Variants in CCND3 observed in about 807,000 individuals in gnomAD.
CCND3 encodes G1/S-specific cyclin-D3.
CCND3 carries 9 observed loss-of-function variants against 28.7 expected under a neutral mutation model. The observed-to-expected ratio is 0.31, with a 90% CI of 0.19 to 0.55. The LOEUF (loss-of-function observed/expected upper bound fraction) is 0.55, where lower values mean the gene tolerates loss of function less well. Among genes scored for constraint, CCND3 ranks in the 20% least tolerant of loss-of-function variants. The pLI is 0.93. For missense variants in CCND3, 315 were observed against 385.8 expected (o/e 0.82, Z 1.54); for synonymous variants, 164 against 163.9 (o/e 1.00, Z 0.00).
At chr6:41,940,644 G>T (rs1478773572) in intron 1 of CCND3, 59 bp from the exon 2 acceptor site, 1 of 1,212,816 alleles carries the variant, frequency 8.2e-7, no homozygotes. Flanking sequence ...AGCAGCGGGG[G>T]GGTGGGAGCG....
rs143231418 is a variant in CCND3, at chr6:42,040,407, G to A, written c.-46+8094C>T. Among the ~76,000 whole-genome samples the A allele has an allele frequency of 7.4e-3, 1,130 of 152,032 alleles. 28 individuals are homozygous for A. The highest frequency in any genetic ancestry group is 0.056 in the Admixed American group (849 of 15,252). On this transcript the variant is annotated intron_variant, in intron 1 of 4. Coordinates refer to the CCND3 transcript ENST00000372988. ...CACTCCAGCCTGGGCAACAGAGCGAGACTCTGTCTCAAAACAAAAACAAAA... is the reference window on the plus strand; with the variant it reads ...CACTCCAGCCTGGGCAACAGAGCGAAACTCTGTCTCAAAACAAAAACAAAA...
chr6:42,005,472 C>T (rs888779206), intron 1 of CCND3, among the ~76,000 whole-genome samples: 3 of 129,966 alleles, frequency 2.3e-5, no homozygotes, highest in African/African-American at 5.8e-5. Flanking sequence ...ACCTGGGAGG[C>T]GGAGGTTGCT....
intron 1 of CCND3, among the ~76,000 whole-genome samples, chr6:42,027,781 CTT>C (rs1763924306): frequency 6.6e-6 from 1 of 151,512 alleles, no homozygotes; most frequent in Non-Finnish European, 1.5e-5. Context: ...GAGTTTTGCT[CTT>C]GTTGTCCAGG....
intron 1 of CCND3, among the ~76,000 whole-genome samples, chr6:42,032,764 C>T (rs1320255690): frequency 6.6e-6 from 1 of 152,216 alleles, no homozygotes; most frequent in Non-Finnish European, 1.5e-5. Context: ...ACCTGTACCA[C>T]AGAAACCTAC....
In CCND3 at chr6:41,941,073, A is replaced by T. The variant is rs1464761246; in HGVS notation, c.198+379T>A. 1 of 1,570,040 alleles carries T rather than the reference A, an allele frequency of 6.4e-7. No homozygotes were observed. Among genetic ancestry groups the T allele is most frequent in the Non-Finnish European group, 8.6e-7 (1 of 1,156,996 alleles). On this transcript the variant is annotated intron_variant, in intron 1 of 4. Coordinates refer to ENST00000372991, the MANE Select transcript of CCND3 (RefSeq NM_001760.5). This position sits in a 1 kb window ranked among gnomAD's most constrained non-coding sequence, Gnocchi z 6.1. ...GCCAGAACCCCGCGAAAGACACAGG[A>T]ACCGGCTCCCGGGCGGGGGCGGCCG...
At chr6:41,962,076 T>C (rs1761733443) in intron 1 of CCND3, among the ~76,000 whole-genome samples, 1 of 152,202 alleles carries the variant, frequency 6.6e-6, no homozygotes, top group Non-Finnish European at 1.5e-5. Context: ...CTCTAACCTG[T>C]GCTCCCCACA....
chr6:42,001,935 TG>T (rs144798556), intron 1 of CCND3, among the ~76,000 whole-genome samples: 52,432 of 151,190 alleles, frequency 0.35, 10,242 homozygotes, highest in Middle Eastern at 0.49. Context: ...GCTAACATGG[TG>T]AAACCCCTTC....
chr6:42,021,154 T>C (rs1185273925), intron 1 of CCND3, among the ~76,000 whole-genome samples: 1 of 152,252 alleles, frequency 6.6e-6, no homozygotes, highest in African/African-American at 2.4e-5. Context: ...TTTATTACAA[T>C]ATATAACTGT....
At chr6:42,044,471 G>A (rs1764469924) in intron 1 of CCND3, among the ~76,000 whole-genome samples, 2 of 152,190 alleles carry the variant, frequency 1.3e-5, no homozygotes, top group South Asian at 4.1e-4. Context: ...AGGAAAGCAG[G>A]GGGAAAATCA....
At chr6:41,944,591 T>A (rs1046723941), upstream of CCND3, among the ~76,000 whole-genome samples, 1 of 152,060 alleles carries the variant, frequency 6.6e-6, no homozygotes, top group Non-Finnish European at 1.5e-5. Context: ...CCGGCTAATT[T>A]TTGTATTTTC....
At chr6:42,043,504 C>G (rs112099977) in intron 1 of CCND3, among the ~76,000 whole-genome samples, 2 of 152,158 alleles carry the variant, frequency 1.3e-5, no homozygotes, top group Admixed American at 1.3e-4. Context: ...GCACTCCAGC[C>G]GGGGCGACAG....
chr6:41,991,020 TG>T (rs1762631308), intron 1 of CCND3, among the ~76,000 whole-genome samples: 1 of 151,232 alleles, frequency 6.6e-6, no homozygotes, highest in South Asian at 2.1e-4. Context: ...GAACACTCAC[TG>T]GGGAAAGGAT....
At chr6:41,947,774 C>T (rs889366479) in intron 1 of CCND3, among the ~76,000 whole-genome samples, 1 of 152,116 alleles carries the variant, frequency 6.6e-6, no homozygotes, top group Admixed American at 6.6e-5. Context: ...CTTCTACCCC[C>T]CGGTCCGAGT....
At chr6:41,959,232 C>T (rs999703177) in intron 1 of CCND3, among the ~76,000 whole-genome samples, 4 of 151,642 alleles carry the variant, frequency 2.6e-5, no homozygotes, top group Non-Finnish European at 5.9e-5. Context: ...GAGAATGGCT[C>T]GAAACCAGGA....
intron 1 of CCND3, among the ~76,000 whole-genome samples, chr6:41,979,245 A>G (rs1459458938): frequency 6.7e-6 from 1 of 150,294 alleles, no homozygotes; most frequent in Non-Finnish European, 1.5e-5. Flanking sequence ...AAAATATTCA[A>G]AATAACGGCC....
chr6:42,046,932 C>T (rs1764562722), intron 1 of CCND3, among the ~76,000 whole-genome samples: 1 of 152,228 alleles, frequency 6.6e-6, no homozygotes, highest in Admixed American at 6.5e-5. Flanking sequence ...TAAATCCCAG[C>T]TCTGCCATTT....
chr6:41,984,264 A>G (rs1212849882), intron 1 of CCND3, among the ~76,000 whole-genome samples: 2 of 152,188 alleles, frequency 1.3e-5, no homozygotes, highest in Non-Finnish European at 2.9e-5. Flanking sequence ...AGGTACAAAT[A>G]TCTCTTGGAC....
intron 1 of CCND3, among the ~76,000 whole-genome samples, chr6:42,022,029 T>C (rs1436335343): frequency 1.3e-5 from 2 of 152,164 alleles, no homozygotes; most frequent in African/African-American, 4.8e-5. Flanking sequence ...GAAGCAAGCA[T>C]CACATATTAA....
At position 42,011,407 on chromosome 6, in the gene CCND3, G is replaced by A. The variant is rs77009207; in HGVS notation, c.-46+37094C>T. On this transcript the variant is annotated intron_variant, in intron 1 of 4. Coordinates refer to the CCND3 transcript ENST00000372988. ...CCCAAAATGCTGAGATTATAGGCAC[G>A]AGCCACCAAGCCTGACTAACTGGGA... Among the ~76,000 whole-genome samples, 604 of 152,222 alleles carry A rather than the reference G, an allele frequency of 4.0e-3. 8 individuals are homozygous for A. Among genetic ancestry groups the A allele is most frequent in the African/African-American group, 0.014 (564 of 41,552 alleles).
Sources: allele counts gnomAD v4.1 joint callset (sites outside exome capture counted in the v4.1 genomes callset), GRCh38; gene constraint gnomAD v4.1.1; non-coding constraint Gnocchi (gnomAD v3.1); transcripts MANE v1.5; gene names NCBI Gene and HGNC (gene_info 2026-07-23, HGNC 2026-07-21).